Variants in CTTNBP2 observed in about 807,000 individuals in gnomAD.
CTTNBP2 encodes the protein cortactin-binding protein 2.
A neutral mutation model predicts 156.9 loss-of-function variants in CTTNBP2; 108 were observed. The observed-to-expected ratio is 0.69, with a 90% confidence interval of 0.59 to 0.81. The LOEUF (loss-of-function observed/expected upper bound fraction) is 0.81. Ranked by LOEUF, CTTNBP2 falls within the 30% of genes least tolerant of loss-of-function variation. The pLI is 0.00. For synonymous variants in CTTNBP2, 767 were observed against 751.8 expected, an observed-to-expected ratio of 1.02 and a Z score of -0.33; for missense variants, 1,924 against 2,035.4, an observed-to-expected ratio of 0.95 and a Z score of 1.05.
intron 19 of CTTNBP2, among the ~76,000 whole-genome samples, chr7:117,721,661 G>A (rs1450662129): frequency 1.3e-5 from 2 of 152,112 alleles, no homozygotes; most frequent in African/African-American, 4.8e-5. Context: ...TATGAACAGG[G>A]TACAAAAAGT....
intron 2 of CTTNBP2, among the ~76,000 whole-genome samples, chr7:117,823,597 G>A (rs1801103123): frequency 6.6e-6 from 1 of 152,198 alleles, no homozygotes; most frequent in Non-Finnish European, 1.5e-5. Context: ...AACATTCAGA[G>A]TCAGGTCAAC....
At chr7:117,775,732 A>G (rs1422023236) in intron 8 of CTTNBP2, among the ~76,000 whole-genome samples, 1 of 152,112 alleles carries the variant, frequency 6.6e-6, no homozygotes, top group Non-Finnish European at 1.5e-5. Flanking sequence ...CAAAAGATTC[A>G]TAGTCCTAGA....
chr7:117,818,283 T>TA (rs1019288826), intron 2 of CTTNBP2, among the ~76,000 whole-genome samples: 18 of 151,678 alleles, frequency 1.2e-4, no homozygotes, highest in East Asian at 5.8e-4. Context: ...CTAAGAATAA[T>TA]AAAAAAAAAC....
At chr7:117,773,575 C>T (rs1339237115) in intron 8 of CTTNBP2, among the ~76,000 whole-genome samples, 1 of 150,010 alleles carries the variant, frequency 6.7e-6, no homozygotes, top group Non-Finnish European at 1.5e-5. Context: ...CTGTTGACTC[C>T]TGAAAGACTG....
intron 9 of CTTNBP2, among the ~76,000 whole-genome samples, chr7:117,765,458 G>A (rs1329612365): frequency 6.6e-6 from 1 of 152,172 alleles, no homozygotes; most frequent in Admixed American, 6.5e-5. Context: ...AGAAGGCTAA[G>A]CACCTTGTCT....
Position 117,861,302 on chromosome 7 carries a change from A to G in CTTNBP2, c.96T>C (p.Asp32=). 6.2e-7 allele frequency: 1 copy of G among 1,612,042 alleles called. No homozygotes were observed. Among genetic ancestry groups the G allele is most frequent in the South Asian group, 1.1e-5 (1 of 90,604 alleles). ...AAAEAAKKEF[D]VDTLSKSELR... ...GCTCGGATTTACTGAGAGTATCCAC[A>G]TCAAACTCTTTTTTCTGTAACACAT... is the stretch of plus-strand genomic sequence containing the variant. The change falls in exon 2 of 23, where the codon GAT becomes GAC. Residue 32 remains aspartate, a synonymous_variant. Transcript: ENST00000160373.
intron 1 of CTTNBP2, among the ~76,000 whole-genome samples, chr7:117,866,350 T>C (rs944428768): frequency 4.6e-5 from 7 of 152,172 alleles, no homozygotes; most frequent in Non-Finnish European, 1.0e-4. Context: ...TCAGAATGCC[T>C]TCAGGAGACA....
chr7:117,828,888 C>T (rs1801447169), intron 2 of CTTNBP2, among the ~76,000 whole-genome samples: 1 of 152,164 alleles, frequency 6.6e-6, no homozygotes, highest in Admixed American at 6.5e-5. Flanking sequence ...AGAATGTAAA[C>T]ATGTGTTACA....
chr7:117,782,376 G>A (rs1011984135), intron 6 of CTTNBP2, among the ~76,000 whole-genome samples: 1 of 151,814 alleles, frequency 6.6e-6, no homozygotes, highest in African/African-American at 2.4e-5. Flanking sequence ...CTTTCAGTAT[G>A]TAAAATTCAT....
intron 8 of CTTNBP2, among the ~76,000 whole-genome samples, chr7:117,771,095 C>T (rs1562989950): frequency 6.6e-6 from 1 of 152,080 alleles, no homozygotes; most frequent in African/African-American, 2.4e-5. Context: ...ATGCTGGGTG[C>T]CCATGGGTCC....
At chr7:117,764,335 C>T (rs1161501326) in intron 9 of CTTNBP2, among the ~76,000 whole-genome samples, 1 of 152,166 alleles carries the variant, frequency 6.6e-6, no homozygotes, top group Non-Finnish European at 1.5e-5. Context: ...CCCAGCACTG[C>T]AGATACAGCT....
chr7:117,853,200 C>G (rs1803041472), intron 2 of CTTNBP2, among the ~76,000 whole-genome samples: 1 of 152,144 alleles, frequency 6.6e-6, no homozygotes, highest in African/African-American at 2.4e-5. Context: ...TGCTTAATGC[C>G]TAACCCACCA....
In CTTNBP2 at chr7:117,742,778, G is replaced by A. The variant is rs976054494; in HGVS notation, c.3535+3053C>T. Among the ~76,000 whole-genome samples the A allele has an allele frequency of 9.8e-5, 15 of 152,314 alleles. No individual in the cohort carries two copies. In the East Asian group the frequency reaches 2.9e-3, roughly 29 times the overall value. On this transcript the variant is annotated intron_variant, in intron 14 of 22. Coordinates refer to ENST00000160373, the MANE Select transcript of CTTNBP2 (RefSeq NM_033427.3). ...CATATTGCTTTTAAAAATTAGAATA[G>A]TTAGCAATATTGAAAGAACAAAATC...
At chr7:117,757,198 G>C (rs576912924) in intron 11 of CTTNBP2, among the ~76,000 whole-genome samples, 1 of 152,212 alleles carries the variant, frequency 6.6e-6, no homozygotes, top group African/African-American at 2.4e-5. Context: ...ATCTTTATTA[G>C]TTAAGATTGA....
intron 8 of CTTNBP2, 79 bp from the exon 9 acceptor site, chr7:117,767,255 C>A: frequency 1.3e-6 from 1 of 799,278 alleles, no homozygotes; most frequent in Non-Finnish European, 2.2e-6. Flanking sequence ...AAGCCAGTTG[C>A]CTATAACAAT....
At position 117,741,733 on chromosome 7, in the gene CTTNBP2, A is replaced by G. The variant is rs532246114; in HGVS notation, c.3535+4098T>C. Among the ~76,000 whole-genome samples the G allele has an allele frequency of 3.9e-5, 6 of 152,118 alleles. 1 individual carries two copies. The highest frequency in any genetic ancestry group is 3.3e-4 in the Admixed American group (5 of 15,272). ...CAAACACTTCATTTTTTAAAATCCA[A>G]ATTATTCTTTGTGCCTAGACATCAA... On this transcript the variant is annotated intron_variant, in intron 14 of 22. Transcript: ENST00000160373.
intron 14 of CTTNBP2, among the ~76,000 whole-genome samples, chr7:117,741,237 G>A (rs1332876637): frequency 6.6e-6 from 1 of 152,154 alleles, no homozygotes; most frequent in Non-Finnish European, 1.5e-5. Flanking sequence ...GGAGATAGAG[G>A]AAGCAGATTC....
At chr7:117,816,544 C>G (rs1161205497) in intron 2 of CTTNBP2, among the ~76,000 whole-genome samples, 3 of 152,138 alleles carry the variant, frequency 2.0e-5, no homozygotes, top group Non-Finnish European at 4.4e-5. Context: ...CCCTCTTCTT[C>G]TTGTGCTCAT....
chr7:117,789,792 C>G (rs1266629676), intron 4 of CTTNBP2, among the ~76,000 whole-genome samples: 1 of 152,120 alleles, frequency 6.6e-6, no homozygotes, highest in African/African-American at 2.4e-5. Flanking sequence ...CCACCCTCCC[C>G]CATATGAGTA....
Sources: allele counts gnomAD v4.1 joint callset (sites outside exome capture counted in the v4.1 genomes callset), GRCh38; gene constraint gnomAD v4.1.1; transcripts MANE v1.5; gene names NCBI Gene and HGNC (gene_info 2026-07-23, HGNC 2026-07-21).